BANK1: variants seen among roughly 807,000 people sequenced by gnomAD.
The protein encoded by BANK1 is B-cell scaffold protein with ankyrin repeats.
BANK1 carries 95 observed loss-of-function variants against 94.5 expected under a neutral mutation model. The observed-to-expected ratio is 1.00, with a 90% confidence interval of 0.85 to 1.19. The LOEUF is 1.19. Ranked by LOEUF, BANK1 falls within the 50% of genes most tolerant of loss-of-function variation. The pLI is 0.00. For synonymous variants in BANK1, 334 were observed against 308.4 expected, an observed-to-expected ratio of 1.08 and a Z score of -0.87; for missense variants, 987 against 932.2, an observed-to-expected ratio of 1.06 and a Z score of -0.77.
intron 7 of BANK1, among the ~76,000 whole-genome samples, chr4:101,945,885 G>A (rs1723910084): frequency 6.6e-6 from 1 of 151,900 alleles, no homozygotes; most frequent in Non-Finnish European, 1.5e-5. Context: ...AGAAGAATGT[G>A]CAATATGCTT....
intron 15 of BANK1, among the ~76,000 whole-genome samples, chr4:102,072,819 A>G (rs1366384451): frequency 6.6e-6 from 1 of 152,210 alleles, no homozygotes; most frequent in Non-Finnish European, 1.5e-5. Flanking sequence ...TTCACATCAT[A>G]GAGTTAACTG....
At position 101,829,949 on chromosome 4, in the gene BANK1, A is replaced by C. The variant is rs1439581526; in HGVS notation, c.212A>C (p.Glu71Ala). 6.2e-7 allele frequency: 1 copy of C among 1,613,836 alleles called. No individual in the cohort carries two copies. The highest frequency in any genetic ancestry group is 8.5e-7 in the Non-Finnish European group (1 of 1,179,928). The change falls in exon 2 of 17, where the codon GAG (glutamate) becomes GCG (alanine). Residue 71 changes from glutamate to alanine, a missense_variant. Transcript: ENST00000322953. ...RLENFSFRHLELLNLTSYKCK... is the reference protein window; with the variant it reads ...RLENFSFRHLALLNLTSYKCK... The stretch of plus-strand genomic sequence containing the variant: ...GAGAATTTCTCTTTTCGGCATTTGG[A>C]GTTGCTGAACTTAACGTCTTACAAA...
chr4:101,794,905 C>T lies in BANK1; in HGVS notation c.70+3955C>T, dbSNP rs190987815. 2.3e-4 allele frequency among the ~76,000 whole-genome samples: 35 copies of T among 152,146 alleles called. No homozygotes were observed. The East Asian group carries it at 5.4e-3, about 24-fold the overall frequency. The stretch of plus-strand genomic sequence containing the variant: ...AAATATGTTTTTATGTTTCATCATA[C>T]TATGTGTCATATCTTTGTTTCTTCT... On this transcript the variant is annotated intron_variant, in intron 1 of 16. Coordinates refer to ENST00000322953, the MANE Select transcript of BANK1 (RefSeq NM_017935.5).
At chr4:101,831,426 CT>C (rs1726615637) in intron 2 of BANK1, among the ~76,000 whole-genome samples, 1 of 152,142 alleles carries the variant, frequency 6.6e-6, no homozygotes, top group South Asian at 2.1e-4. Context: ...ACCAAAATTC[CT>C]TCTTATTTTC....
chr4:101,922,583 C>T (rs1723033937), intron 7 of BANK1, among the ~76,000 whole-genome samples: 1 of 151,720 alleles, frequency 6.6e-6, no homozygotes. Context: ...TTAACTAGGT[C>T]CCATATGGTA....
intron 1 of BANK1, among the ~76,000 whole-genome samples, chr4:101,795,312 A>C (rs1276363287): frequency 6.6e-6 from 1 of 152,052 alleles, no homozygotes; most frequent in East Asian, 1.9e-4. Flanking sequence ...CTGGACAACA[A>C]GTCATATTGT....
chr4:101,855,320 C>G, intron 3 of BANK1, 131 bp downstream of exon 3: 1 of 781,920 alleles, frequency 1.3e-6, no homozygotes, highest in Non-Finnish European at 1.9e-6. Context: ...CTCAAGAGAT[C>G]CTCCTGCCTC....
At chr4:101,988,042 C>A (rs1578438842) in intron 7 of BANK1, among the ~76,000 whole-genome samples, 1 of 152,160 alleles carries the variant, frequency 6.6e-6, no homozygotes, top group Non-Finnish European at 1.5e-5. Context: ...ATCACAGTGA[C>A]ACATTGAGTG....
At chr4:101,889,364 C>T (rs571479435) in intron 5 of BANK1, among the ~76,000 whole-genome samples, 1 of 151,760 alleles carries the variant, frequency 6.6e-6, no homozygotes, top group South Asian at 2.1e-4. Context: ...AATCACAGGC[C>T]GAGGCGGGTG....
intron 7 of BANK1, among the ~76,000 whole-genome samples, chr4:101,996,404 A>C (rs1279509636): frequency 6.6e-6 from 1 of 152,166 alleles, no homozygotes; most frequent in Non-Finnish European, 1.5e-5. Flanking sequence ...TGTCTTAGCT[A>C]TATGGGCTCT....
At chr4:101,809,696 A>G (rs529278952) in intron 1 of BANK1, among the ~76,000 whole-genome samples, 21 of 152,348 alleles carry the variant, frequency 1.4e-4, no homozygotes, top group Non-Finnish European at 2.8e-4. Context: ...AGAAATCTAA[A>G]CAATGATCAT....
intron 6 of BANK1, among the ~76,000 whole-genome samples, chr4:101,903,773 A>G (rs1016882394): frequency 3.9e-5 from 6 of 152,192 alleles, no homozygotes; most frequent in African/African-American, 1.4e-4. Context: ...TAATGTTTTT[A>G]GTTGATCCCT....
At chr4:102,044,479 C>T (rs1392696052) in intron 11 of BANK1, among the ~76,000 whole-genome samples, 3 of 149,608 alleles carry the variant, frequency 2.0e-5, no homozygotes, top group Non-Finnish European at 4.5e-5. Flanking sequence ...GTGAATAATG[C>T]CGCAATAAAC....
intron 7 of BANK1, among the ~76,000 whole-genome samples, chr4:101,974,773 C>A (rs1232741439): frequency 7.1e-6 from 1 of 140,534 alleles, no homozygotes; most frequent in African/African-American, 2.6e-5. Flanking sequence ...CATGGTGAAA[C>A]CCCATCTTTA....
intron 7 of BANK1, among the ~76,000 whole-genome samples, chr4:102,009,489 A>C (rs1483678550): frequency 1.3e-5 from 2 of 152,208 alleles, no homozygotes; most frequent in Non-Finnish European, 2.9e-5. Context: ...AGGCTTGCAC[A>C]TTCTTGCAAA....
At chr4:101,899,545 C>T (rs949344952) in intron 6 of BANK1, among the ~76,000 whole-genome samples, 6 of 151,936 alleles carry the variant, frequency 3.9e-5, no homozygotes, top group East Asian at 1.9e-4. Context: ...TTTTTACCTG[C>T]GTAACCAAAA....
chr4:101,832,346 A>G (rs1310890231), intron 2 of BANK1, among the ~76,000 whole-genome samples: 1 of 152,170 alleles, frequency 6.6e-6, no homozygotes, highest in Admixed American at 6.5e-5. Context: ...TGTAGAGTCA[A>G]GTCTTCTTTT....
At chr4:101,872,321 C>G (rs976102246) in intron 5 of BANK1, among the ~76,000 whole-genome samples, 2 of 152,038 alleles carry the variant, frequency 1.3e-5, no homozygotes, top group Non-Finnish European at 2.9e-5. Flanking sequence ...ATGAGGGCAC[C>G]TAGAAGTATT....
intron 2 of BANK1, among the ~76,000 whole-genome samples, chr4:101,842,146 T>C (rs1273330577): frequency 2.6e-5 from 4 of 152,242 alleles, no homozygotes; most frequent in Non-Finnish European, 5.9e-5. Flanking sequence ...ATTGAAATTC[T>C]GACACCTTGC....
Sources: allele counts gnomAD v4.1 joint callset (sites outside exome capture counted in the v4.1 genomes callset), GRCh38; gene constraint gnomAD v4.1.1; transcripts MANE v1.5; gene names NCBI Gene and HGNC (gene_info 2026-07-23, HGNC 2026-07-21).